CLSTN2: variants seen among roughly 807,000 people sequenced by gnomAD.
CLSTN2 encodes the protein calsyntenin-2.
A neutral mutation model predicts 101.2 loss-of-function variants in CLSTN2; 48 were observed. The ratio of observed to expected loss-of-function variants is 0.47; its 90% CI spans 0.38 to 0.60. The LOEUF (loss-of-function observed/expected upper bound fraction) is 0.60, where lower values mean the gene tolerates loss of function less well. Ranked by LOEUF, CLSTN2 falls within the 20% of genes least tolerant of loss-of-function variation. CLSTN2 has a pLI of 0.00. For synonymous variants in CLSTN2, 481 were observed against 463.6 expected, an observed-to-expected ratio of 1.04 and a Z score of -0.48; for missense variants, 1,160 against 1,238.2, an observed-to-expected ratio of 0.94 and a Z score of 0.95.
intron 2 of CLSTN2, among the ~76,000 whole-genome samples, chr3:140,338,742 G>C (rs954926899): frequency 6.6e-6 from 1 of 152,132 alleles, no homozygotes; most frequent in African/African-American, 2.4e-5. Flanking sequence ...GAGGCCTAGT[G>C]GAACACACAT....
At chr3:140,511,568 G>GAGAC (rs1934815153) in intron 8 of CLSTN2, among the ~76,000 whole-genome samples, 1 of 17,324 alleles carries the variant, frequency 5.8e-5, no homozygotes. Flanking sequence ...TTTTTTTTTT[G>GAGAC]AGACAGAGCC....
At chr3:140,138,281 A>AG (rs1256824723) in intron 1 of CLSTN2, among the ~76,000 whole-genome samples, 3 of 152,166 alleles carry the variant, frequency 2.0e-5, no homozygotes, top group African/African-American at 2.4e-5. Context: ...CAGCTTAAAA[A>AG]GGGGGGGAAG....
intron 1 of CLSTN2, among the ~76,000 whole-genome samples, chr3:139,942,580 A>G (rs1935150528): frequency 6.6e-6 from 1 of 152,128 alleles, no homozygotes; most frequent in Non-Finnish European, 1.5e-5. Flanking sequence ...GCGGGAGGAG[A>G]TCATATAGGA....
chr3:139,984,213 A>C (rs1935984003), intron 1 of CLSTN2, among the ~76,000 whole-genome samples: 1 of 152,180 alleles, frequency 6.6e-6, no homozygotes, highest in Non-Finnish European at 1.5e-5. Context: ...GGTACATTCC[A>C]ATTTTAGCCA....
At chr3:140,095,860 G>A (rs1165611489) in intron 1 of CLSTN2, among the ~76,000 whole-genome samples, 1 of 152,154 alleles carries the variant, frequency 6.6e-6, no homozygotes, top group Non-Finnish European at 1.5e-5. Context: ...TTAGTGTTAG[G>A]ACGCGCAAGT....
At chr3:139,945,215 G>A (rs1019103682) in intron 1 of CLSTN2, among the ~76,000 whole-genome samples, 1 of 152,170 alleles carries the variant, frequency 6.6e-6, no homozygotes, top group African/African-American at 2.4e-5. Context: ...GAAAGGTCAT[G>A]GTCTCGGACT....
intron 15 of CLSTN2, among the ~76,000 whole-genome samples, chr3:140,563,535 A>C (rs1375604744): frequency 1.3e-5 from 2 of 152,176 alleles, no homozygotes; most frequent in African/African-American, 4.8e-5. Context: ...ACCATATTGC[A>C]ACGTCCTCTG....
chr3:140,264,416 A>G (rs1406325528), intron 2 of CLSTN2, among the ~76,000 whole-genome samples: 19 of 137,676 alleles, frequency 1.4e-4, no homozygotes, highest in Admixed American at 5.2e-4. Context: ...ATATATATAT[A>G]TATATATATA....
chr3:140,385,407 C>T (rs913445411), intron 2 of CLSTN2, among the ~76,000 whole-genome samples: 6 of 138,810 alleles, frequency 4.3e-5, no homozygotes, highest in African/African-American at 1.1e-4. Flanking sequence ...GTCTCGCTGT[C>T]GCCCAGGCTG....
intron 2 of CLSTN2, among the ~76,000 whole-genome samples, chr3:140,199,311 T>C (rs545541460): frequency 6.0e-4 from 91 of 152,330 alleles, no homozygotes; most frequent in Admixed American, 3.9e-3. Flanking sequence ...TTCATCAGAA[T>C]AACCCTTTAT....
chr3:140,544,880 A>G (rs1935557498), intron 9 of CLSTN2, among the ~76,000 whole-genome samples: 1 of 152,078 alleles, frequency 6.6e-6, no homozygotes, highest in South Asian at 2.1e-4. Context: ...TGCCTAATCT[A>G]AGCTATTTAG....
chr3:140,494,405 C>A (rs2107759065), intron 8 of CLSTN2, among the ~76,000 whole-genome samples: 1 of 152,324 alleles, frequency 6.6e-6, no homozygotes. Context: ...CTCTTCTGAT[C>A]AAGTTCAGCT....
At chr3:140,448,408 A>C (rs917455133) in intron 5 of CLSTN2, 111 bp from the exon 6 acceptor site, 43 of 856,380 alleles carry the variant, frequency 5.0e-5, no homozygotes, top group Non-Finnish European at 7.4e-5. Context: ...AATATCTAAT[A>C]TATGTGTTGG....
At chr3:140,199,917 A>G (rs1195517296) in intron 2 of CLSTN2, among the ~76,000 whole-genome samples, 1 of 152,228 alleles carries the variant, frequency 6.6e-6, no homozygotes, top group Non-Finnish European at 1.5e-5. Context: ...GAAATTGCAA[A>G]GGTCTTTTAA....
chr3:140,168,328 T>C (rs2010164038), intron 1 of CLSTN2, among the ~76,000 whole-genome samples: 2 of 152,140 alleles, frequency 1.3e-5, no homozygotes, highest in Admixed American at 1.3e-4. Context: ...ATATTTATTT[T>C]AGTGACAGGT....
chr3:140,548,268 A>AAGCAG (rs1935639873), intron 10 of CLSTN2, among the ~76,000 whole-genome samples: 1 of 152,234 alleles, frequency 6.6e-6, no homozygotes, highest in Non-Finnish European at 1.5e-5. Flanking sequence ...GACATTTGTA[A>AAGCAG]TCCAGTTGAT....
intron 5 of CLSTN2, among the ~76,000 whole-genome samples, chr3:140,445,952 AGAG>A (rs1933066797): frequency 6.6e-6 from 1 of 152,102 alleles, no homozygotes; most frequent in Non-Finnish European, 1.5e-5. Context: ...CATGGAGGAG[AGAG>A]GGCATCTACC....
chr3:140,441,799 A>G (rs1425662461), intron 5 of CLSTN2, among the ~76,000 whole-genome samples: 1 of 151,368 alleles, frequency 6.6e-6, no homozygotes, highest in Admixed American at 6.6e-5. Flanking sequence ...TAAATAACCC[A>G]CTCCCTGGCC....
intron 2 of CLSTN2, among the ~76,000 whole-genome samples, chr3:140,267,025 G>A (rs1383013035): frequency 6.6e-6 from 1 of 152,190 alleles, no homozygotes; most frequent in Non-Finnish European, 1.5e-5. Context: ...AATGGGACAA[G>A]TGAGACCTGT....
Sources: allele counts gnomAD v4.1 joint callset (sites outside exome capture counted in the v4.1 genomes callset), GRCh38; gene constraint gnomAD v4.1.1; transcripts MANE v1.5; gene names NCBI Gene and HGNC (gene_info 2026-07-23, HGNC 2026-07-21).